Variants in ADAMTS12 observed in about 807,000 individuals in gnomAD.
The protein encoded by ADAMTS12 is ADAM metallopeptidase with thrombospondin type 1 motif 12, also known as A disintegrin and metalloproteinase with thrombospondin motifs 12.
A neutral mutation model predicts 167.8 loss-of-function variants in ADAMTS12; 118 were observed. The observed-to-expected ratio is 0.70, with a 90% CI of 0.61 to 0.82. The LOEUF (loss-of-function observed/expected upper bound fraction) is 0.82, where lower values mean the gene tolerates loss of function less well. Among genes scored for constraint, ADAMTS12 ranks in the 40% least tolerant of loss-of-function variants. ADAMTS12 has a pLI of 0.00. For synonymous variants in ADAMTS12, 704 were observed against 716.9 expected (o/e 0.98, Z 0.29); for missense variants, 1,916 against 1,998.8 (o/e 0.96, Z 0.79).
chr5:33,812,648 T>C (rs1014367611), intron 2 of ADAMTS12, among the ~76,000 whole-genome samples: 23 of 152,238 alleles, frequency 1.5e-4, no homozygotes, highest in Non-Finnish European at 5.9e-5. Flanking sequence ...TTTGACTTTT[T>C]TCATTCAGTA....
At chr5:33,720,280 T>A (rs868391724) in intron 3 of ADAMTS12, among the ~76,000 whole-genome samples, 1,000 of 62,402 alleles carry the variant, frequency 0.016, 11 homozygotes, top group African/African-American at 0.039. Context: ...TCTCTCTCTC[T>A]CACTCACACA....
At chr5:33,745,993 A>G (rs952052163) in intron 3 of ADAMTS12, among the ~76,000 whole-genome samples, 19 of 152,218 alleles carry the variant, frequency 1.2e-4, no homozygotes, top group Admixed American at 1.1e-3. Flanking sequence ...ACGGCAGATA[A>G]TAATAATAAC....
At chr5:33,874,432 A>C (rs1211798157) in intron 2 of ADAMTS12, among the ~76,000 whole-genome samples, 1 of 152,202 alleles carries the variant, frequency 6.6e-6, no homozygotes, top group Non-Finnish European at 1.5e-5. Flanking sequence ...GACAATACCA[A>C]ATGCTGGCAA....
At chr5:33,863,435 C>T (rs529457827) in intron 2 of ADAMTS12, among the ~76,000 whole-genome samples, 3 of 152,262 alleles carry the variant, frequency 2.0e-5, no homozygotes, top group African/African-American at 7.2e-5. Flanking sequence ...AGTGAACTCC[C>T]ATTCACAATT....
At chr5:33,720,078 C>A (rs116158369) in intron 3 of ADAMTS12, among the ~76,000 whole-genome samples, 16 of 152,100 alleles carry the variant, frequency 1.1e-4, no homozygotes, top group African/African-American at 2.9e-4. Flanking sequence ...TCCACACACA[C>A]ACAAAATGCT....
intron 19 of ADAMTS12, among the ~76,000 whole-genome samples, chr5:33,571,977 C>CA (rs1746376548): frequency 6.6e-6 from 1 of 152,194 alleles, no homozygotes; most frequent in African/African-American, 2.4e-5. Flanking sequence ...CACCTCTACA[C>CA]AAATAAATTA....
At chr5:33,867,320 G>T (rs1436468599) in intron 2 of ADAMTS12, among the ~76,000 whole-genome samples, 1 of 152,154 alleles carries the variant, frequency 6.6e-6, no homozygotes, top group Non-Finnish European at 1.5e-5. Flanking sequence ...AAACTTGGAT[G>T]GAGCTAAAAG....
At chr5:33,643,229 TG>T in intron 10 of ADAMTS12, 148 bp downstream of exon 10, 1 of 690,270 alleles carries the variant, frequency 1.4e-6, no homozygotes. Context: ...GTGGTGGATG[TG>T]GGTGATCTCC....
rs887249147 is a variant in ADAMTS12 at position 33,614,221 on chromosome 5, G to A, written c.2527+17C>T. The A allele has an allele frequency of 1.9e-6, 3 of 1,611,846 alleles. No individual in the cohort carries two copies. Among genetic ancestry groups the A allele is most frequent in the African/African-American group, 1.3e-5 (1 of 74,868 alleles). Reference sequence around the variant, plus strand: ...TGAGGCTGGCATGGCTTCATAGTGAGAGCAGCTGTTTCTCACCTGTCCCGC... The same window carrying A: ...TGAGGCTGGCATGGCTTCATAGTGAAAGCAGCTGTTTCTCACCTGTCCCGC... On this transcript the variant is annotated intron_variant, in intron 16 of 23. Transcript: ENST00000504830.
chr5:33,683,647 T>C (rs947981629), intron 4 of ADAMTS12, among the ~76,000 whole-genome samples: 7 of 152,200 alleles, frequency 4.6e-5, no homozygotes, highest in African/African-American at 1.2e-4. Flanking sequence ...TAATAAATTA[T>C]AAAATGTTCC....
chr5:33,794,054 C>A (rs1254007417), intron 2 of ADAMTS12, among the ~76,000 whole-genome samples: 1 of 152,152 alleles, frequency 6.6e-6, no homozygotes, highest in Non-Finnish European at 1.5e-5. Flanking sequence ...TGGTGCCCAG[C>A]GGGAATGGGC....
At chr5:33,543,558 A>C (rs912809448) in intron 22 of ADAMTS12, among the ~76,000 whole-genome samples, 1 of 152,100 alleles carries the variant, frequency 6.6e-6, no homozygotes, top group Non-Finnish European at 1.5e-5. Context: ...GAGACACAAC[A>C]AAAAAAGAAT....
intron 5 of ADAMTS12, among the ~76,000 whole-genome samples, chr5:33,673,773 A>G (rs1362067035): frequency 6.6e-6 from 1 of 152,112 alleles, no homozygotes; most frequent in Non-Finnish European, 1.5e-5. Flanking sequence ...AACTGCTTGT[A>G]TTAGCACTCC....
intron 2 of ADAMTS12, among the ~76,000 whole-genome samples, chr5:33,851,889 C>T (rs760175365): frequency 1.6e-4 from 25 of 152,234 alleles, no homozygotes; most frequent in Admixed American, 2.6e-4. Context: ...CATGTGCACA[C>T]ACGCATGTGC....
At chr5:33,826,494 G>A (rs746441477) in intron 2 of ADAMTS12, among the ~76,000 whole-genome samples, 34 of 151,932 alleles carry the variant, frequency 2.2e-4, no homozygotes, top group Non-Finnish European at 3.5e-4. Flanking sequence ...ATGAATATAT[G>A]TATGAACTCA....
chr5:33,649,021 A>C (rs1055296301), intron 8 of ADAMTS12, 55 bp from the exon 9 acceptor site: 1 of 1,590,292 alleles, frequency 6.3e-7, no homozygotes, highest in Middle Eastern at 1.7e-4. Context: ...CTTTACCTTC[A>C]GCCTTTCATT....
At chr5:33,798,691 C>T (rs1375310910) in intron 2 of ADAMTS12, among the ~76,000 whole-genome samples, 1 of 152,082 alleles carries the variant, frequency 6.6e-6, no homozygotes, top group African/African-American at 2.4e-5. Context: ...CTGCCTGCTT[C>T]GTCCTCCCAA....
At chr5:33,750,162 A>G (rs944446445) in intron 3 of ADAMTS12, among the ~76,000 whole-genome samples, 5 of 152,238 alleles carry the variant, frequency 3.3e-5, no homozygotes, top group African/African-American at 1.2e-4. Context: ...TCATCACTCA[A>G]ATCAGCTACA....
intron 2 of ADAMTS12, among the ~76,000 whole-genome samples, chr5:33,827,744 T>C (rs1748141030): frequency 6.6e-6 from 1 of 151,464 alleles, no homozygotes; most frequent in Non-Finnish European, 1.5e-5. Context: ...GATAGATAGA[T>C]AGATAGATAG....
Sources: allele counts gnomAD v4.1 joint callset (sites outside exome capture counted in the v4.1 genomes callset), GRCh38; gene constraint gnomAD v4.1.1; transcripts MANE v1.5; gene names NCBI Gene and HGNC (gene_info 2026-07-23, HGNC 2026-07-21).